Variants in SLC12A1 observed in about 807,000 individuals in gnomAD.
SLC12A1 encodes solute carrier family 12 member 1.
A neutral mutation model predicts 130.4 loss-of-function variants in SLC12A1; 89 were observed. That is an observed-to-expected ratio of 0.68 (90% CI 0.58 to 0.81). The LOEUF (loss-of-function observed/expected upper bound fraction) is 0.81, where lower values mean the gene tolerates loss of function less well. Ranked by LOEUF, SLC12A1 falls within the 40% of genes least tolerant of loss-of-function variation. The pLI, the probability that SLC12A1 is intolerant of heterozygous loss-of-function variation, is 0.00. For missense variants in SLC12A1, 1,310 were observed against 1,336.4 expected (o/e 0.98, Z 0.31); for synonymous variants, 499 against 460.0 (o/e 1.08, Z -1.09).
chr15:48,230,445 C>G lies in SLC12A1; in HGVS notation c.917C>G (p.Ser306Cys). ...DPTNDIRIIG[S>C]ITVVILLGIS... The stretch of plus-strand genomic sequence containing the variant: ...ACCAATGACATCCGGATTATAGGCT[C>G]CATCACAGTGGTGATTCTTCTAGGA... Residue 306 changes from serine (S) to cysteine (C), a missense_variant, in exon 7 of 27, where the codon TCC (serine) becomes TGC (cysteine). Physicochemically the swap from Ser to Cys is moderately radical, Grantham distance 112. Transcript: ENST00000380993. 2 of 1,613,134 alleles carry G rather than the reference C, an allele frequency of 1.2e-6. No homozygotes were observed. The highest frequency in any genetic ancestry group is 1.7e-6 in the Non-Finnish European group (2 of 1,179,634).
chr15:48,221,757 A>G (rs1182414668), intron 4 of SLC12A1, among the ~76,000 whole-genome samples: 3 of 152,226 alleles, frequency 2.0e-5, no homozygotes, highest in African/African-American at 7.2e-5. Context: ...TTAATGAGAT[A>G]AAAATTAATA....
At chr15:48,258,146 G>A (rs1374375748) in intron 16 of SLC12A1, among the ~76,000 whole-genome samples, 2 of 71,210 alleles carry the variant, frequency 2.8e-5, no homozygotes, top group Admixed American at 2.6e-4. Context: ...CGGATCACGA[G>A]GTCAGGAGAT....
At chr15:48,253,942 T>TA (rs2041675387) in intron 15 of SLC12A1, among the ~76,000 whole-genome samples, 1 of 152,260 alleles carries the variant, frequency 6.6e-6, no homozygotes, top group South Asian at 2.1e-4. Context: ...GCCATCCATA[T>TA]ATCTTTTTTA....
At chr15:48,285,655 A>C (rs1038682915) in intron 21 of SLC12A1, among the ~76,000 whole-genome samples, 2 of 152,214 alleles carry the variant, frequency 1.3e-5, no homozygotes, top group Non-Finnish European at 2.9e-5. Flanking sequence ...TAGTACATGC[A>C]AATACGGTAT....
At chr15:48,298,070 G>C (rs768652798) in intron 24 of SLC12A1, among the ~76,000 whole-genome samples, 30 of 152,136 alleles carry the variant, frequency 2.0e-4, no homozygotes, top group Non-Finnish European at 4.0e-4. Flanking sequence ...GGACAATCCT[G>C]CTCCTTTGTA....
At chr15:48,277,647 G>A (rs910828360) in intron 20 of SLC12A1, among the ~76,000 whole-genome samples, 4 of 152,216 alleles carry the variant, frequency 2.6e-5, no homozygotes, top group Non-Finnish European at 5.9e-5. Context: ...AGTCTCCAAG[G>A]TACAGGAGCG....
chr15:48,220,835 G>T, intron 3 of SLC12A1, 70 bp downstream of exon 3: 1 of 1,611,044 alleles, frequency 6.2e-7, no homozygotes, highest in South Asian at 1.1e-5. Flanking sequence ...GAGTGAACAA[G>T]GCCTGGGCAC....
chr15:48,242,667 C>G (rs753343968), intron 10 of SLC12A1, among the ~76,000 whole-genome samples: 1 of 151,964 alleles, frequency 6.6e-6, no homozygotes, highest in South Asian at 2.1e-4. Context: ...CCGGGCGTGG[C>G]GGCACACACC....
chr15:48,244,620 T>C, intron 10 of SLC12A1, 133 bp from the exon 11 acceptor site: 1 of 826,088 alleles, frequency 1.2e-6, no homozygotes, highest in South Asian at 1.9e-5. Context: ...CCTCCAGTTA[T>C]CAAGAACTAC....
intron 13 of SLC12A1, among the ~76,000 whole-genome samples, chr15:48,248,408 T>C (rs1330317756): frequency 6.6e-6 from 1 of 152,268 alleles, no homozygotes; most frequent in Non-Finnish European, 1.5e-5. Context: ...CATTGCCCTG[T>C]GCTGCATTTA....
At chr15:48,226,922 G>C (rs1405454936) in intron 5 of SLC12A1, 3 of 616,442 alleles carry the variant, frequency 4.9e-6, no homozygotes, top group Non-Finnish European at 8.6e-6. Context: ...CATTTCAGGT[G>C]CTTCCTAGAC....
intron 2 of SLC12A1, among the ~76,000 whole-genome samples, chr15:48,220,108 CAAAAAA>C (rs59484094): frequency 1.1e-4 from 8 of 75,376 alleles, no homozygotes; most frequent in Admixed American, 1.6e-4. Flanking sequence ...GACTCTGCCT[CAAAAAA>C]AAAAAAAAAA....
intron 9 of SLC12A1, 137 bp from the exon 10 acceptor site, chr15:48,241,378 G>A: frequency 2.8e-6 from 2 of 705,396 alleles, no homozygotes; most frequent in Non-Finnish European, 5.1e-6. Context: ...TCATCAACTT[G>A]CTGTTTGCTT....
In SLC12A1 at chr15:48,230,445, C is replaced by T; in HGVS notation, c.917C>T (p.Ser306Phe). The change falls in exon 7 of 27, where the codon TCC becomes TTC. Residue 306 changes from serine to phenylalanine, a missense_variant. Ser to Phe is a radical substitution (Grantham distance 155). Transcript: ENST00000380993. The stretch of plus-strand genomic sequence containing the variant: ...ACCAATGACATCCGGATTATAGGCT[C>T]CATCACAGTGGTGATTCTTCTAGGA... The part of the protein sequence containing the change: ...DPTNDIRIIG[S>F]ITVVILLGIS... 1 of 1,613,134 alleles carries T rather than the reference C, an allele frequency of 6.2e-7. No individual in the cohort carries two copies. Among genetic ancestry groups the T allele is most frequent in the South Asian group, 1.1e-5 (1 of 90,626 alleles).
chr15:48,207,263 G>T (rs1450895420), intron 1 of SLC12A1, among the ~76,000 whole-genome samples: 2 of 152,136 alleles, frequency 1.3e-5, no homozygotes, highest in African/African-American at 4.8e-5. Flanking sequence ...AAGTCACAGT[G>T]AACTCCAGTG....
chr15:48,286,306 C>T (rs1448108706), intron 21 of SLC12A1, among the ~76,000 whole-genome samples: 5 of 152,154 alleles, frequency 3.3e-5, no homozygotes, highest in Non-Finnish European at 7.3e-5. Context: ...CTGGGATACC[C>T]CATGGGCCGT....
At chr15:48,260,094 C>G (rs1270151885) in intron 17 of SLC12A1, among the ~76,000 whole-genome samples, 2 of 151,878 alleles carry the variant, frequency 1.3e-5, no homozygotes, top group Non-Finnish European at 2.9e-5. Context: ...GCAAAACCCT[C>G]TCTCTACTAA....
chr15:48,303,749 T>C lies in SLC12A1; in HGVS notation c.*864T>C, dbSNP rs747313914. 1.3e-5 allele frequency: 2 copies of C among 152,220 alleles called. No individual in the cohort carries two copies. Among genetic ancestry groups the C allele is most frequent in the Non-Finnish European group, 2.9e-5 (2 of 68,030 alleles). 9.4% of individuals were successfully genotyped at this position (152,220 alleles called of 1,614,324 possible). A position where few individuals can be genotyped will look rare whatever the true frequency, so the allele number is the denominator to read the frequency against. ...AGATGAAATCTTTATAGATGACTAC[T>C]TGAAAACTAAGTGCTACAAATTTTC... is the stretch of plus-strand genomic sequence containing the variant. On this transcript the variant is annotated 3_prime_UTR_variant, in exon 27 of 27. Transcript: ENST00000380993.
Position 48,218,661 on chromosome 15 carries a change from CAT to C in SLC12A1, c.421-1970_421-1969del, listed in dbSNP as rs534343447. On this transcript the variant is annotated intron_variant, in intron 2 of 26. Transcript: ENST00000380993. ...GACTTCTTAACTAGTGATATCAGAACATATCATCCTAGGCTTAAACCAGTTTA... is the reference window on the plus strand; with the variant it reads ...GACTTCTTAACTAGTGATATCAGAACATCATCCTAGGCTTAAACCAGTTTA... Among the ~76,000 whole-genome samples the C allele has an allele frequency of 2.1e-4, 32 of 152,290 alleles. 1 individual carries two copies. The South Asian group carries it at 6.6e-3, about 32-fold the overall frequency.
Sources: allele counts gnomAD v4.1 joint callset (sites outside exome capture counted in the v4.1 genomes callset), GRCh38; gene constraint gnomAD v4.1.1; transcripts MANE v1.5; gene names NCBI Gene and HGNC (gene_info 2026-07-23, HGNC 2026-07-21).